The following CNTNAP4 variants were observed in gnomAD, a reference collection of about 807,000 sequenced individuals.
CNTNAP4 encodes contactin associated protein family member 4, also known as contactin-associated protein-like 4.
A neutral mutation model predicts 148.4 loss-of-function variants in CNTNAP4; 98 were observed. The observed-to-expected ratio is 0.66, with a 90% CI of 0.56 to 0.78. The LOEUF (loss-of-function observed/expected upper bound fraction) is 0.78, where lower values mean the gene tolerates loss of function less well. CNTNAP4 is among the 30% of genes least tolerant of loss of function. CNTNAP4 has a pLI of 0.00. For missense variants in CNTNAP4, 1,935 were observed against 1,565.6 expected (o/e 1.24, Z -3.98); for synonymous variants, 730 against 565.1 (o/e 1.29, Z -4.14).
chr16:76,457,673 A>G (rs185807431), intron 8 of CNTNAP4, among the ~76,000 whole-genome samples: 140 of 152,342 alleles, frequency 9.2e-4, no homozygotes, highest in Admixed American at 2.4e-3. Context: ...TAACTGATCT[A>G]TGATGAGATG....
At chr16:76,514,127 A>G (rs1597791842) in intron 15 of CNTNAP4, among the ~76,000 whole-genome samples, 1 of 152,210 alleles carries the variant, frequency 6.6e-6, no homozygotes, top group African/African-American at 2.4e-5. Flanking sequence ...TACTTCAAAT[A>G]GAATAAGGAT....
chr16:76,384,527 A>G (rs1251084688), intron 3 of CNTNAP4, among the ~76,000 whole-genome samples: 1 of 152,146 alleles, frequency 6.6e-6, no homozygotes, highest in Non-Finnish European at 1.5e-5. Flanking sequence ...AGTGCCATGT[A>G]GCTTTGGTTG....
chr16:76,277,861 T>A, intron 1 of CNTNAP4, 114 bp downstream of exon 1: 1 of 708,844 alleles, frequency 1.4e-6, no homozygotes, highest in Non-Finnish European at 2.5e-6. Flanking sequence ...CGTATTGCTG[T>A]AAACCAAGCA....
intron 2 of CNTNAP4, among the ~76,000 whole-genome samples, chr16:76,319,120 T>G (rs1962135938): frequency 6.6e-6 from 1 of 152,124 alleles, no homozygotes; most frequent in Admixed American, 6.6e-5. Context: ...CTACTAAAAG[T>G]GGCTCACACC....
rs1197431413 is a variant in CNTNAP4, at chr16:76,495,196, A to G, written c.2237+130A>G. The G allele has an allele frequency of 4.0e-6, 4 of 988,348 alleles. 1 individual carries two copies. The highest frequency in any genetic ancestry group is 5.0e-5 in the East Asian group (2 of 40,196). 61.2% of individuals were successfully genotyped at this position (988,348 alleles called of 1,614,324 possible). On this transcript the variant is annotated intron_variant, in intron 14 of 23. Transcript: ENST00000611870. ...AGTAATTAAATAAAGGTTTGTTTTA[A>G]TGAAACGTGGTGTAGTCAATATAAT...
intron 1 of CNTNAP4, among the ~76,000 whole-genome samples, chr16:76,290,881 G>T (rs1325606472): frequency 6.6e-6 from 1 of 152,174 alleles, no homozygotes; most frequent in African/African-American, 2.4e-5. Flanking sequence ...ATCTAGGTTG[G>T]TTTTTGGTGT....
In CNTNAP4 at chr16:76,553,890, ACT is replaced by A. The variant is rs749094121; in HGVS notation, c.3719_3720del (p.Ser1240CysfsTer32). On this transcript the variant is annotated frameshift_variant, in exon 23 of 24. Coordinates refer to ENST00000611870, the MANE Select transcript of CNTNAP4 (RefSeq NM_033401.5). LOFTEE classifies it high-confidence loss of function. Reference sequence around the variant, plus strand: ...CCCCTTGCTAATGCAATCAAAAGTGACTCTGCAGTAATTGGAGGTAATAAGAA... The same window carrying A: ...CCCCTTGCTAATGCAATCAAAAGTGACTGCAGTAATTGGAGGTAATAAGAA... The A allele has an allele frequency of 1.2e-6, 2 of 1,606,230 alleles. No homozygotes were observed. The highest frequency in any genetic ancestry group is 1.3e-5 in the African/African-American group (1 of 74,782).
chr16:76,364,643 A>G (rs2013881979), intron 3 of CNTNAP4, among the ~76,000 whole-genome samples: 1 of 152,058 alleles, frequency 6.6e-6, no homozygotes, highest in Admixed American at 6.6e-5. Context: ...TACATTTTGC[A>G]TTTTTCAATC....
chr16:76,534,248 C>T (rs1486155098), intron 17 of CNTNAP4, among the ~76,000 whole-genome samples: 2 of 152,152 alleles, frequency 1.3e-5, no homozygotes, highest in Non-Finnish European at 2.9e-5. Flanking sequence ...AATTATTTGT[C>T]TACCACTGTT....
chr16:76,337,645 C>T (rs556436649), intron 2 of CNTNAP4, among the ~76,000 whole-genome samples: 1 of 152,158 alleles, frequency 6.6e-6, no homozygotes, highest in Non-Finnish European at 1.5e-5. Flanking sequence ...GACAACTGAT[C>T]TGACTAGAAT....
intron 15 of CNTNAP4, among the ~76,000 whole-genome samples, chr16:76,520,585 G>A (rs2083417059): frequency 6.6e-6 from 1 of 152,132 alleles, no homozygotes; most frequent in Admixed American, 6.5e-5. Context: ...CTTGGACAGA[G>A]TAAGCTGCAT....
chr16:76,499,048 A>G (rs2082521869), intron 15 of CNTNAP4, among the ~76,000 whole-genome samples: 1 of 146,044 alleles, frequency 6.8e-6, no homozygotes, highest in African/African-American at 2.5e-5. Context: ...TTCAAATTTT[A>G]TGTATCTTTT....
At position 76,294,092 on chromosome 16, in the gene CNTNAP4, C is replaced by T. The variant is rs7185058; in HGVS notation, c.85+16345C>T. 6.3e-3 allele frequency among the ~76,000 whole-genome samples: 962 copies of T among 152,104 alleles called. 4 individuals are homozygous for T. Among genetic ancestry groups the T allele is most frequent in the African/African-American group, 0.021 (891 of 41,488 alleles). On this transcript the variant is annotated intron_variant, in intron 1 of 23. Transcript: ENST00000611870. ...ATAAATTATCAGAGATTTTGGAGAG[C>T]GAGTAAGAAACCCACTCATTCAACT... is the stretch of plus-strand genomic sequence containing the variant.
intron 2 of CNTNAP4, among the ~76,000 whole-genome samples, chr16:76,337,045 A>T (rs1213068696): frequency 6.6e-6 from 1 of 152,214 alleles, no homozygotes; most frequent in African/African-American, 2.4e-5. Flanking sequence ...CAAATACTAA[A>T]CTATCTTCTC....
intron 2 of CNTNAP4, among the ~76,000 whole-genome samples, chr16:76,322,639 CTG>C (rs1300428017): frequency 6.6e-6 from 1 of 152,134 alleles, no homozygotes; most frequent in Non-Finnish European, 1.5e-5. Flanking sequence ...GATTGTGGCA[CTG>C]TGATGGGGCC....
chr16:76,311,098 A>T (rs956443601), intron 1 of CNTNAP4, among the ~76,000 whole-genome samples: 7 of 152,156 alleles, frequency 4.6e-5, no homozygotes, highest in Admixed American at 6.5e-5. Context: ...TATACCTATT[A>T]TCTTAGTACA....
At chr16:76,549,961 T>C (rs13335017) in intron 21 of CNTNAP4, among the ~76,000 whole-genome samples, 124 of 152,294 alleles carry the variant, frequency 8.1e-4, no homozygotes, top group African/African-American at 2.7e-3. Flanking sequence ...TGAAAGGGCT[T>C]ATCATGTTCT....
intron 1 of CNTNAP4, among the ~76,000 whole-genome samples, chr16:76,297,950 A>AT (rs144335958): frequency 1.3e-5 from 2 of 151,486 alleles, no homozygotes; most frequent in East Asian, 1.9e-4. Context: ...CAAACATATT[A>AT]TTTTTTTTTC....
chr16:76,324,743 C>T (rs1962786147), intron 2 of CNTNAP4, among the ~76,000 whole-genome samples: 1 of 152,130 alleles, frequency 6.6e-6, no homozygotes, highest in Non-Finnish European at 1.5e-5. Flanking sequence ...ATAGCTCTCT[C>T]CTGAATTTAT....
Sources: gnomAD v4.1 joint callset for allele counts (sites outside exome capture counted in the v4.1 genomes callset) on GRCh38, gnomAD v4.1.1 for gene constraint, MANE v1.5 for transcripts, NCBI Gene and HGNC (gene_info 2026-07-23, HGNC 2026-07-21) for gene names.